Variants in DCP1B observed in about 807,000 individuals in gnomAD.
DCP1B encodes mRNA-decapping enzyme 1B.
Under a neutral mutation model 60.5 loss-of-function variants are expected in DCP1B, and 47 were observed. That is an observed-to-expected ratio of 0.78 (90% CI 0.61 to 0.99). The LOEUF is 0.99. Among genes scored for constraint, DCP1B ranks in the 50% least tolerant of loss-of-function variants. The pLI is 0.00. For synonymous variants in DCP1B, 267 were observed against 280.3 expected (o/e 0.95, Z 0.47); for missense variants, 725 against 756.8 (o/e 0.96, Z 0.49).
intron 5 of DCP1B, among the ~76,000 whole-genome samples, chr12:1,960,622 T>A (rs1272517486): frequency 6.6e-6 from 1 of 152,222 alleles, no homozygotes; most frequent in East Asian, 1.9e-4. Flanking sequence ...TACATGCATA[T>A]CAAAATATCA....
chr12:1,992,721 T>G (rs563214463), intron 3 of DCP1B: 23 of 169,250 alleles, frequency 1.4e-4, no homozygotes, highest in Non-Finnish European at 2.7e-4. Context: ...AGTTACCTAC[T>G]ACGACTTCCA....
At chr12:1,960,129 G>C (rs1183334426) in intron 5 of DCP1B, among the ~76,000 whole-genome samples, 4 of 152,152 alleles carry the variant, frequency 2.6e-5, no homozygotes, top group Non-Finnish European at 5.9e-5. Context: ...CCAATATATG[G>C]AATAAACCTA....
Position 1,993,400 on chromosome 12 carries a change from C to T in DCP1B, c.192-9G>A, listed in dbSNP as rs138294843. 5.9e-4 allele frequency: 954 copies of T among 1,608,760 alleles called. 4 individuals are homozygous for T. The African/African-American group carries it at 0.011, about 19-fold the overall frequency. On this transcript the variant is annotated splice_polypyrimidine_tract_variant and intron_variant, in intron 2 of 8. Coordinates refer to ENST00000280665, the MANE Select transcript of DCP1B (RefSeq NM_152640.5). ...GCTTTGGAGAAGCAGACCTAAAAATCACAAGGAGTCAGGGGGAAATCAATA... is the reference window on the plus strand; with the variant it reads ...GCTTTGGAGAAGCAGACCTAAAAATTACAAGGAGTCAGGGGGAAATCAATA...
downstream of DCP1B, among the ~76,000 whole-genome samples, chr12:1,944,614 C>T (rs1280915376): frequency 6.6e-6 from 1 of 152,102 alleles, no homozygotes; most frequent in African/African-American, 2.4e-5. Flanking sequence ...AACAGAGGCC[C>T]TCAGAAATAA....
At chr12:1,949,448 T>C in intron 7 of DCP1B, 114 bp from the exon 8 acceptor site, 1 of 1,444,872 alleles carries the variant, frequency 6.9e-7, no homozygotes, top group Admixed American at 2.1e-5. Flanking sequence ...CTTTCCTAGC[T>C]GAGAAAAGTT....
At chr12:1,980,585 T>A (rs1281481480) in intron 3 of DCP1B, among the ~76,000 whole-genome samples, 1 of 151,796 alleles carries the variant, frequency 6.6e-6, no homozygotes, top group Non-Finnish European at 1.5e-5. Flanking sequence ...TTTGATGAAA[T>A]TTTTACTTTT....
In DCP1B at chr12:1,946,148, G is replaced by T. The variant is rs113637818; in HGVS notation, c.*58C>A. On this transcript the variant is annotated 3_prime_UTR_variant, in exon 9 of 9. Coordinates refer to ENST00000280665, the MANE Select transcript of DCP1B (RefSeq NM_152640.5). ...GAAGGAAACAACACTCAACATGAAA[G>T]AACCTTGTGCCGGAGTTCTAGAAGG... is the stretch of plus-strand genomic sequence containing the variant. 37 of 1,321,450 alleles carry T rather than the reference G, an allele frequency of 2.8e-5. 1 individual carries two copies. In the African/African-American group the frequency reaches 3.4e-4, roughly 12 times the overall value. 81.9% of individuals were successfully genotyped at this position (1,321,450 alleles called of 1,614,324 possible).
chr12:1,955,712 A>G, intron 5 of DCP1B, 152 bp from the exon 6 acceptor site: 2 of 953,820 alleles, frequency 2.1e-6, no homozygotes, highest in Non-Finnish European at 3.0e-6. Flanking sequence ...TTTCTCTAAG[A>G]GCTATGTTTG....
intron 2 of DCP1B, among the ~76,000 whole-genome samples, chr12:1,997,430 G>A (rs1431549990): frequency 6.6e-6 from 1 of 152,218 alleles, no homozygotes; most frequent in African/African-American, 2.4e-5. Context: ...TGAGGCAGGA[G>A]AATCACTTGA....
chr12:1,974,468 A>G (rs2033652588), intron 3 of DCP1B, among the ~76,000 whole-genome samples: 1 of 152,180 alleles, frequency 6.6e-6, no homozygotes, highest in African/African-American at 2.4e-5. Flanking sequence ...CTATGTAGAC[A>G]CTAATGTACT....
chr12:1,969,975 C>T (rs1013192088), intron 3 of DCP1B, among the ~76,000 whole-genome samples: 22 of 152,072 alleles, frequency 1.4e-4, no homozygotes, highest in African/African-American at 4.1e-4. Context: ...CTCAGAAACA[C>T]GAGGCCCAAT....
intron 3 of DCP1B, among the ~76,000 whole-genome samples, chr12:1,985,269 C>A: frequency 1.3e-5 from 2 of 152,184 alleles, no homozygotes; most frequent in Middle Eastern, 6.8e-3. Context: ...TATTGCCCCA[C>A]GGATTTCTGA....
At chr12:1,969,072 C>A (rs113870467) in intron 3 of DCP1B, among the ~76,000 whole-genome samples, 1 of 151,970 alleles carries the variant, frequency 6.6e-6, no homozygotes, top group Non-Finnish European at 1.5e-5. Context: ...AGCAATATTA[C>A]GATAGGGCAA....
intron 5 of DCP1B, among the ~76,000 whole-genome samples, chr12:1,963,798 G>A (rs767860651): frequency 3.3e-5 from 5 of 152,194 alleles, no homozygotes; most frequent in Non-Finnish European, 5.9e-5. Context: ...GATGCTTACT[G>A]CTACTGAGTT....
chr12:2,002,021 T>A (rs923216636), intron 1 of DCP1B, among the ~76,000 whole-genome samples: 2 of 152,224 alleles, frequency 1.3e-5, no homozygotes, highest in Admixed American at 1.3e-4. Context: ...GGGGCAGTCT[T>A]TCCTGGCAAC....
intron 3 of DCP1B, among the ~76,000 whole-genome samples, chr12:1,977,669 C>T (rs1471434269): frequency 6.6e-6 from 1 of 152,192 alleles, no homozygotes; most frequent in African/African-American, 2.4e-5. Context: ...ATCCATACCA[C>T]TGCCTTCTCA....
chr12:1,986,024 A>G (rs1020341556), intron 3 of DCP1B, among the ~76,000 whole-genome samples: 2 of 152,184 alleles, frequency 1.3e-5, no homozygotes, highest in African/African-American at 2.4e-5. Flanking sequence ...CGTGTTAGCC[A>G]GGATGGTCTC....
Position 1,952,604 on chromosome 12 carries a change from C to T in DCP1B, c.1336G>A (p.Val446Met), listed in dbSNP as rs1485970474. 3.1e-6 allele frequency: 5 copies of T among 1,614,184 alleles called. No homozygotes were observed. Among genetic ancestry groups the T allele is most frequent in the South Asian group, 1.1e-5 (1 of 91,086 alleles). The change falls in exon 7 of 9, where the codon GTG becomes ATG. Residue 446 changes from valine (V) to methionine (M), a missense_variant. Transcript: ENST00000280665. Reference protein sequence around the residue: ...ISGSQTGSSGVISPQELLKKL... With the variant: ...ISGSQTGSSGMISPQELLKKL... ...TTCAGTAACTCTTGAGGGGAGATCACTCCAGAGCTGCCAGTCTGACTACCA... is the reference window on the plus strand; with the variant it reads ...TTCAGTAACTCTTGAGGGGAGATCATTCCAGAGCTGCCAGTCTGACTACCA...
At chr12:1,967,307 T>C (rs911929170) in intron 4 of DCP1B, among the ~76,000 whole-genome samples, 1 of 152,164 alleles carries the variant, frequency 6.6e-6, no homozygotes, top group South Asian at 2.1e-4. Context: ...AGTCGACTGA[T>C]CACTAAGCTA....
Sources: allele counts gnomAD v4.1 joint callset (sites outside exome capture counted in the v4.1 genomes callset), GRCh38; gene constraint gnomAD v4.1.1; transcripts MANE v1.5; gene names NCBI Gene and HGNC (gene_info 2026-07-23, HGNC 2026-07-21).